The following DST variants were observed in gnomAD, a reference collection of about 807,000 sequenced individuals.
DST encodes dystonin.
A neutral mutation model predicts 875.2 loss-of-function variants in DST; 253 were observed. The ratio of observed to expected loss-of-function variants is 0.29; its 90% confidence interval spans 0.26 to 0.32. The LOEUF (loss-of-function observed/expected upper bound fraction) is 0.32. Ranked by LOEUF, DST falls within the 10% of genes least tolerant of loss-of-function variation. The pLI is 1.00. For missense variants in DST, 8,287 were observed against 9,111.6 expected (o/e 0.91, Z 3.68); for synonymous variants, 3,124 against 3,197.1 (o/e 0.98, Z 0.77).
At chr6:56,710,050 A>G (rs2099356968) in intron 5 of DST, among the ~76,000 whole-genome samples, 1 of 152,202 alleles carries the variant, frequency 6.6e-6, no homozygotes, top group Admixed American at 6.5e-5. Flanking sequence ...CACAAAGAAA[A>G]CTACGAATTT....
intron 5 of DST, among the ~76,000 whole-genome samples, chr6:56,708,157 T>A (rs1274424657): frequency 6.6e-6 from 1 of 152,228 alleles, no homozygotes; most frequent in Non-Finnish European, 1.5e-5. Flanking sequence ...CTTCTGCCCT[T>A]GGCCTTATGA....
intron 3 of DST, among the ~76,000 whole-genome samples, chr6:56,880,936 C>T (rs1272595757): frequency 7.0e-6 from 1 of 142,644 alleles, no homozygotes; most frequent in East Asian, 2.3e-4. Context: ...AAAGCTCCGC[C>T]TCCTGGGTTC....
intron 5 of DST, among the ~76,000 whole-genome samples, chr6:56,723,224 C>T (rs1420775043): frequency 6.6e-6 from 1 of 152,088 alleles, no homozygotes; most frequent in East Asian, 1.9e-4. Flanking sequence ...TTCAAGAGAA[C>T]CAAAAGGGTA....
At chr6:56,683,363 T>C (rs1299104467) in intron 9 of DST, among the ~76,000 whole-genome samples, 2 of 152,242 alleles carry the variant, frequency 1.3e-5, no homozygotes, top group Non-Finnish European at 2.9e-5. Context: ...CTAGTCTTGC[T>C]GTACCAAATA....
intron 50 of DST, among the ~76,000 whole-genome samples, chr6:56,574,115 A>G (rs373552756): frequency 7.8e-4 from 119 of 152,232 alleles, no homozygotes; most frequent in African/African-American, 2.7e-3. Context: ...TTAAAAGTTA[A>G]TATATATCCC....
chr6:56,600,311 G>T, intron 44 of DST, 90 bp from the exon 45 acceptor site: 1 of 1,284,116 alleles, frequency 7.8e-7, no homozygotes, highest in Non-Finnish European at 1.1e-6. Context: ...CATTTTCCAA[G>T]TTTTGTCTAA....
chr6:56,843,302 G>A (rs2099802734), intron 4 of DST: 2 of 1,236,222 alleles, frequency 1.6e-6, no homozygotes, highest in South Asian at 3.8e-5. Context: ...CAGAGCGGGG[G>A]CGCAGGGGGC....
chr6:56,886,312 T>G (rs1784651036), intron 3 of DST, among the ~76,000 whole-genome samples: 1 of 152,206 alleles, frequency 6.6e-6, no homozygotes, highest in African/African-American at 2.4e-5. Flanking sequence ...TAACTGACCT[T>G]ATGAACTTAA....
chr6:56,915,214 TAA>T (rs1231595665), intron 2 of DST, among the ~76,000 whole-genome samples: 2 of 152,108 alleles, frequency 1.3e-5, no homozygotes, highest in Non-Finnish European at 2.9e-5. Flanking sequence ...TGTCTACAAA[TAA>T]AAAGAGTCAC....
chr6:56,581,501 C>T (rs184355824), intron 49 of DST, among the ~76,000 whole-genome samples: 1 of 152,214 alleles, frequency 6.6e-6, no homozygotes, highest in African/African-American at 2.4e-5. Flanking sequence ...GTAGCAGTCC[C>T]CGCGTATCTC....
intron 72 of DST, among the ~76,000 whole-genome samples, chr6:56,512,334 A>G (rs2152479605): frequency 6.6e-6 from 1 of 152,332 alleles, no homozygotes; most frequent in Non-Finnish European, 1.5e-5. Context: ...AAGCTAGAAT[A>G]CATACACCTC....
rs565474774 is a variant in DST, at chr6:56,788,048, G to C, written c.626-52759C>G. 3.7e-3 allele frequency among the ~76,000 whole-genome samples: 486 copies of C among 132,276 alleles called. 4 individuals are homozygous for C. The highest frequency in any genetic ancestry group is 0.013 in the African/African-American group (471 of 35,324). 86.8% of individuals were successfully genotyped at this position (132,276 alleles called of 152,430 possible). ...TGAGGCTGAGGCAGGAAAATCACTTGAACCTGGGAGGGGGAGGTTGCAGTG... is the reference window on the plus strand; with the variant it reads ...TGAGGCTGAGGCAGGAAAATCACTTCAACCTGGGAGGGGGAGGTTGCAGTG... On this transcript the variant is annotated intron_variant, in intron 4 of 103. Transcript: ENST00000680361.
intron 97 of DST, among the ~76,000 whole-genome samples, chr6:56,469,218 A>C (rs1018020146): frequency 2.3e-4 from 35 of 152,172 alleles, no homozygotes; most frequent in Non-Finnish European, 4.7e-4. Flanking sequence ...ATTTAAGTTA[A>C]AATTTTGAAT....
At chr6:56,489,682 GAC>G (rs2095672289) in intron 85 of DST, 73 bp from the exon 86 acceptor site, 2 of 1,401,142 alleles carry the variant, frequency 1.4e-6, no homozygotes, top group Non-Finnish European at 1.9e-6. Flanking sequence ...ACAGTTTTAA[GAC>G]AGAGATTAAT....
chr6:56,930,899 G>T (rs1243740119), intron 2 of DST, among the ~76,000 whole-genome samples: 3 of 152,142 alleles, frequency 2.0e-5, no homozygotes, highest in Non-Finnish European at 4.4e-5. Context: ...CAAAACCCTT[G>T]CATGAAAACA....
rs2097800000 is a variant in DST at position 56,573,042 on chromosome 6, C to T, written c.13259G>A (p.Gly4420Asp). 3 of 1,575,228 alleles carry T rather than the reference C, an allele frequency of 1.9e-6. No homozygotes were observed. Among genetic ancestry groups the T allele is most frequent in the Non-Finnish European group, 2.6e-6 (3 of 1,161,958 alleles). ...KNIMLEQDIA[G>D]RQSSINAMNE... is the part of the protein sequence containing the mutation. Reference sequence around the variant, plus strand: ...CATGGCATTTATACTGCTCTGACGACCTGCAATATCCTGTTCCAACATCTA... The same window carrying T: ...CATGGCATTTATACTGCTCTGACGATCTGCAATATCCTGTTCCAACATCTA... Residue 4420 changes from glycine (G) to aspartate (D), a missense_variant, in exon 52 of 104, where the codon GGT becomes GAT. This residue lies in a region of DST where 1,513 missense variants were observed against 1,677.8 expected (regional missense o/e 0.90). Coordinates refer to ENST00000680361, the MANE Select transcript of DST (RefSeq NM_001374736.1).
intron 3 of DST, among the ~76,000 whole-genome samples, chr6:56,868,802 T>C (rs996491878): frequency 2.0e-5 from 3 of 152,196 alleles, no homozygotes; most frequent in Admixed American, 2.0e-4. Context: ...AATTAGGAAG[T>C]TGATTTGGCC....
Position 56,529,564 on chromosome 6 carries a change from C to G in DST, c.17479G>C (p.Gly5827Arg). 1 of 1,613,762 alleles carries G rather than the reference C, an allele frequency of 6.2e-7. No individual in the cohort carries two copies. Among genetic ancestry groups the G allele is most frequent in the Non-Finnish European group, 8.5e-7 (1 of 1,179,756 alleles). Reference sequence around the variant, plus strand: ...TTCATCAGTTCAACTTCATCTTCCCCAAAAATCTTAGCATTACATAAGGCC... The same window carrying G: ...TTCATCAGTTCAACTTCATCTTCCCGAAAAATCTTAGCATTACATAAGGCC... ...QQALCNAKIF[G>R]EDEVELMNWL... Residue 5827 changes from glycine (G) to arginine (R), a missense_variant, in exon 66 of 104, where the codon GGG (glycine) becomes CGG (arginine). Physicochemically the swap from Gly to Arg is moderately radical, Grantham distance 125 (BLOSUM62 -2). Around this residue, in one of 10 missense-constraint regions of DST, gnomAD observed 777 missense variants for 764.8 expected, o/e 1.02. Transcript: ENST00000680361.
chr6:56,822,800 ATTAT>A (rs1291770657), intron 4 of DST, among the ~76,000 whole-genome samples: 17 of 151,548 alleles, frequency 1.1e-4, no homozygotes, highest in Admixed American at 3.9e-4. Context: ...AAGCTACACT[ATTAT>A]TTATTTATTT....
Sources: gnomAD v4.1 joint callset for allele counts (sites outside exome capture counted in the v4.1 genomes callset) on GRCh38, gnomAD v4.1.1 for gene constraint, gnomAD v4.1.1 regional missense constraint, MANE v1.5 for transcripts, NCBI Gene and HGNC (gene_info 2026-07-23, HGNC 2026-07-21) for gene names.